The following LRRC7 variants were observed in gnomAD, a reference collection of about 807,000 sequenced individuals.
The protein encoded by LRRC7 is leucine rich repeat containing 7.
LRRC7 carries 23 observed loss-of-function variants against 175.7 expected under a neutral mutation model. The observed-to-expected ratio is 0.13, with a 90% CI of 0.09 to 0.19. The LOEUF is 0.19. Among genes scored for constraint, LRRC7 ranks in the 10% least tolerant of loss-of-function variants. The pLI is 1.00. For synonymous variants in LRRC7, 685 were observed against 680.9 expected, an observed-to-expected ratio of 1.01 and a Z score of -0.09; for missense variants, 1,354 against 1,904.7, an observed-to-expected ratio of 0.71 and a Z score of 5.38.
At chr1:70,121,673 C>A in intron 26 of LRRC7, 107 bp from the exon 27 acceptor site, 3 of 686,690 alleles carry the variant, frequency 4.4e-6, no homozygotes, top group South Asian at 2.2e-5. Context: ...ATTATAAAAA[C>A]TGACAACTTT....
chr1:69,756,773 G>A (rs2100920681), intron 2 of LRRC7, among the ~76,000 whole-genome samples: 2 of 151,708 alleles, frequency 1.3e-5, no homozygotes, highest in Middle Eastern at 6.8e-3. Flanking sequence ...AATGACATGG[G>A]GTCAAGAAAA....
At chr1:69,738,820 T>C (rs947608218) in intron 2 of LRRC7, among the ~76,000 whole-genome samples, 1 of 151,416 alleles carries the variant, frequency 6.6e-6, no homozygotes, top group Non-Finnish European at 1.5e-5. Flanking sequence ...GCAGACGGAG[T>C]AGAAAAAAAA....
chr1:69,916,941 A>C (rs974439394), intron 7 of LRRC7, among the ~76,000 whole-genome samples: 1 of 152,164 alleles, frequency 6.6e-6, no homozygotes, highest in Admixed American at 6.5e-5. Flanking sequence ...AAAATGGACT[A>C]ACTTATGAGC....
At chr1:69,690,434 T>C (rs982218931) in intron 2 of LRRC7, among the ~76,000 whole-genome samples, 2 of 152,198 alleles carry the variant, frequency 1.3e-5, no homozygotes, top group Non-Finnish European at 2.9e-5. Flanking sequence ...AATATTTAAG[T>C]GAGGGATTTG....
chr1:70,110,720 G>GA (rs201461252), intron 26 of LRRC7, among the ~76,000 whole-genome samples: 1 of 151,996 alleles, frequency 6.6e-6, no homozygotes, highest in African/African-American at 2.4e-5. Context: ...TTCAATAAAG[G>GA]AAAAAGTACA....
rs554268360 is a variant in LRRC7, at chr1:70,042,994, A to T, written c.3970-960A>T. Among the ~76,000 whole-genome samples, 46 of 148,660 alleles carry T rather than the reference A, an allele frequency of 3.1e-4. 1 individual carries two copies. In the South Asian group the frequency reaches 9.1e-3, roughly 29 times the overall value. ...AAAGTGTGCTAAGTTAACTTCTGTG[A>T]TTTTTTTTTTTCCAAAATGAGAGAA... is the stretch of plus-strand genomic sequence containing the variant. On this transcript the variant is annotated intron_variant, in intron 21 of 26. Coordinates refer to ENST00000651989, the MANE Select transcript of LRRC7 (RefSeq NM_001370785.2).
intron 1 of LRRC7, among the ~76,000 whole-genome samples, chr1:69,631,973 T>C (rs1652581136): frequency 6.6e-6 from 1 of 152,220 alleles, no homozygotes; most frequent in South Asian, 2.1e-4. Flanking sequence ...ACCTTTATCA[T>C]GTCTTACAAG....
chr1:69,644,366 C>T (rs1450947731), intron 1 of LRRC7, among the ~76,000 whole-genome samples: 3 of 152,044 alleles, frequency 2.0e-5, no homozygotes, highest in African/African-American at 7.2e-5. Context: ...ACGGTTGCTA[C>T]ATCTTCCTGA....
intron 8 of LRRC7, among the ~76,000 whole-genome samples, chr1:69,943,992 T>C (rs1367319566): frequency 7.1e-6 from 1 of 141,388 alleles, no homozygotes; most frequent in South Asian, 2.4e-4. Flanking sequence ...ACACACAACA[T>C]GAGATTTACC....
In LRRC7 at chr1:69,832,233, A is replaced by G. The variant is rs143272569; in HGVS notation, c.501-2547A>G. On this transcript the variant is annotated intron_variant, in intron 5 of 26. Coordinates refer to ENST00000651989, the MANE Select transcript of LRRC7 (RefSeq NM_001370785.2). Reference sequence around the variant, plus strand: ...ACACATACCAGGGTTATCAAACACAATGGGAGAGGGAGCAGAGGTATTTAT... The same window carrying G: ...ACACATACCAGGGTTATCAAACACAGTGGGAGAGGGAGCAGAGGTATTTAT... Among the ~76,000 whole-genome samples, 496 of 152,224 alleles carry G rather than the reference A, an allele frequency of 3.3e-3. 3 individuals carry two copies. Among genetic ancestry groups the G allele is most frequent in the African/African-American group, 0.011 (473 of 41,546 alleles).
chr1:69,666,003 C>T (rs186000184), intron 1 of LRRC7, among the ~76,000 whole-genome samples: 2 of 151,892 alleles, frequency 1.3e-5, no homozygotes, highest in Non-Finnish European at 2.9e-5. Flanking sequence ...TTTCTTCTAT[C>T]CTCAGGTTTT....
At chr1:69,821,873 C>G (rs1398906071) in intron 4 of LRRC7, among the ~76,000 whole-genome samples, 2 of 151,838 alleles carry the variant, frequency 1.3e-5, no homozygotes, top group East Asian at 3.9e-4. Flanking sequence ...CCAGCCTGGG[C>G]AACAGAGCGA....
chr1:69,834,644 T>G, intron 5 of LRRC7, 136 bp from the exon 6 acceptor site: 1 of 741,624 alleles, frequency 1.3e-6, no homozygotes, highest in South Asian at 1.7e-5. Flanking sequence ...CAATAAATTC[T>G]TTCATTACTG....
intron 1 of LRRC7, among the ~76,000 whole-genome samples, chr1:69,568,894 CA>C (rs1377864981): frequency 1.3e-5 from 2 of 152,128 alleles, no homozygotes; most frequent in Non-Finnish European, 2.9e-5. Flanking sequence ...CTTGAGCTGG[CA>C]AGAGACCTTA....
intron 7 of LRRC7, among the ~76,000 whole-genome samples, chr1:69,926,605 G>C (rs1172074718): frequency 6.6e-6 from 1 of 150,400 alleles, no homozygotes; most frequent in Non-Finnish European, 1.5e-5. Context: ...TTTAAAGTCT[G>C]TTTTATCAGA....
chr1:70,002,849 G>T lies in LRRC7; in HGVS notation c.1004+8216G>T, dbSNP rs140183768. On this transcript the variant is annotated intron_variant, in intron 11 of 26. Transcript: ENST00000651989. ...AAATCCAAAAAGACATTTATTTACT[G>T]ATCATTGCTTATGTTCATCTATATG... 9.9e-5 allele frequency among the ~76,000 whole-genome samples: 15 copies of T among 152,192 alleles called. No individual in the cohort carries two copies. The East Asian group carries it at 2.7e-3, about 27-fold the overall frequency.
chr1:70,029,806 G>A (rs1212226122), intron 18 of LRRC7, among the ~76,000 whole-genome samples: 1 of 152,024 alleles, frequency 6.6e-6, no homozygotes, highest in Non-Finnish European at 1.5e-5. Context: ...CTTCATGTAG[G>A]GATGGGATAG....
At chr1:69,630,878 T>A (rs1437417636) in intron 1 of LRRC7, among the ~76,000 whole-genome samples, 1 of 152,128 alleles carries the variant, frequency 6.6e-6, no homozygotes, top group African/African-American at 2.4e-5. Flanking sequence ...AAATACATGA[T>A]GTATAAGCAA....
chr1:69,684,177 A>G (rs1486782309), intron 2 of LRRC7, among the ~76,000 whole-genome samples: 1 of 152,234 alleles, frequency 6.6e-6, no homozygotes. Flanking sequence ...GAATTATACT[A>G]TCAACTCTCT....
Sources: allele counts gnomAD v4.1 joint callset (sites outside exome capture counted in the v4.1 genomes callset), GRCh38; gene constraint gnomAD v4.1.1; transcripts MANE v1.5; gene names NCBI Gene and HGNC (gene_info 2026-07-23, HGNC 2026-07-21).